The following ASIC2 variants were observed in gnomAD, a reference collection of about 807,000 sequenced individuals.
ASIC2 encodes acid-sensing ion channel 2.
In ASIC2, 25 loss-of-function variants were observed where a neutral mutation model predicts 57.3. The ratio of observed to expected loss-of-function variants is 0.44; its 90% CI spans 0.32 to 0.61. ASIC2 has a LOEUF of 0.61. Ranked by LOEUF, ASIC2 falls within the 20% of genes least tolerant of loss-of-function variation. The pLI, the probability that ASIC2 is intolerant of heterozygous loss-of-function variation, is 0.06. For missense variants in ASIC2, 641 were observed against 738.1 expected (o/e 0.87, Z 1.52); for synonymous variants, 319 against 307.5 (o/e 1.04, Z -0.39).
At chr17:33,178,696 C>T (rs1007934689) in intron 1 of ASIC2, among the ~76,000 whole-genome samples, 1 of 152,186 alleles carries the variant, frequency 6.6e-6, no homozygotes, top group African/African-American at 2.4e-5. Flanking sequence ...CTCTACACTG[C>T]GTCCCTCCAC....
intron 1 of ASIC2, among the ~76,000 whole-genome samples, chr17:33,249,437 G>GGA (rs919420770): frequency 1.2e-4 from 18 of 152,158 alleles, no homozygotes; most frequent in South Asian, 2.1e-4. Flanking sequence ...GATGAGCAAG[G>GGA]GAGCGAGGGT....
At chr17:33,538,104 G>A (rs1183942696) in intron 1 of ASIC2, among the ~76,000 whole-genome samples, 1 of 152,186 alleles carries the variant, frequency 6.6e-6, no homozygotes, top group South Asian at 2.1e-4. Context: ...TGCAGTAAGT[G>A]TTCAATAAAT....
At chr17:33,164,289 A>G (rs1201498675) in intron 1 of ASIC2, among the ~76,000 whole-genome samples, 5 of 152,150 alleles carry the variant, frequency 3.3e-5, no homozygotes, top group Non-Finnish European at 7.4e-5. Context: ...CTTTGGCAGA[A>G]TGACAGTTTC....
At chr17:34,086,410 G>T in intron 1 of ASIC2, among the ~76,000 whole-genome samples, 1 of 152,076 alleles carries the variant, frequency 6.6e-6, no homozygotes, top group East Asian at 1.9e-4. Flanking sequence ...GAGATAGTTT[G>T]TTATAATTTC....
intron 1 of ASIC2, among the ~76,000 whole-genome samples, chr17:33,587,954 C>T (rs980206086): frequency 1.1e-4 from 16 of 152,182 alleles, no homozygotes; most frequent in Non-Finnish European, 1.8e-4. Flanking sequence ...TCATAACAGT[C>T]TCACTTGATT....
chr17:33,579,078 G>C (rs1047207889), intron 1 of ASIC2, among the ~76,000 whole-genome samples: 1 of 151,504 alleles, frequency 6.6e-6, no homozygotes, highest in East Asian at 1.9e-4. Flanking sequence ...TTGAGGTCAG[G>C]GATTCAGACC....
At chr17:33,526,543 C>A (rs973398620) in intron 1 of ASIC2, among the ~76,000 whole-genome samples, 2 of 152,178 alleles carry the variant, frequency 1.3e-5, no homozygotes, top group African/African-American at 4.8e-5. Flanking sequence ...CCACTTGTTT[C>A]TCTTATACGT....
chr17:33,748,261 T>C (rs1236947258), intron 1 of ASIC2, among the ~76,000 whole-genome samples: 2 of 152,208 alleles, frequency 1.3e-5, no homozygotes, highest in East Asian at 3.9e-4. Context: ...TGAGCACTCT[T>C]GGGCTTCTCC....
chr17:33,815,787 C>T lies in ASIC2; in HGVS notation c.555+340191G>A, dbSNP rs576610978. Among the ~76,000 whole-genome samples the T allele has an allele frequency of 3.3e-5, 5 of 152,134 alleles. 1 individual carries two copies. Among genetic ancestry groups the T allele is most frequent in the Admixed American group, 2.6e-4 (4 of 15,282 alleles). ...AGAAATACTAGAGCTGGAAGTGTTC[C>T]TAGAATGCATCTACTCCAATCCTCT... On this transcript the variant is annotated intron_variant, in intron 1 of 9. Coordinates refer to the ASIC2 transcript ENST00000359872.
intron 1 of ASIC2, among the ~76,000 whole-genome samples, chr17:33,282,370 C>T (rs1427786675): frequency 6.6e-6 from 1 of 152,162 alleles, no homozygotes. Flanking sequence ...GGCCATCCAT[C>T]TTCCCTAACT....
Position 33,437,126 on chromosome 17 carries a change from A to G in ASIC2, c.556-325059T>C, listed in dbSNP as rs1030669121. Among the ~76,000 whole-genome samples, 3 of 151,694 alleles carry G rather than the reference A, an allele frequency of 2.0e-5. No individual in the cohort carries two copies. In the East Asian group the frequency reaches 5.9e-4, roughly 30 times the overall value. On this transcript the variant is annotated intron_variant, in intron 1 of 9. Transcript: ENST00000359872. ...GTGATCTGCCCGCCTCGGCCTCCCA[A>G]AGTGCTGGGATTACAGGCGTGAGCC...
chr17:33,283,118 CT>C (rs1308103866), intron 1 of ASIC2, among the ~76,000 whole-genome samples: 10 of 152,234 alleles, frequency 6.6e-5, no homozygotes, highest in Admixed American at 6.5e-4. Context: ...CCCCAGAGCA[CT>C]GATGCTTCTG....
chr17:33,605,466 A>G (rs1165447738), intron 1 of ASIC2, among the ~76,000 whole-genome samples: 1 of 152,246 alleles, frequency 6.6e-6, no homozygotes, highest in African/African-American at 2.4e-5. Context: ...CAAGGCATTC[A>G]GGAACCAAAT....
intron 1 of ASIC2, among the ~76,000 whole-genome samples, chr17:33,123,611 C>T (rs912830302): frequency 2.6e-5 from 4 of 152,262 alleles, no homozygotes; most frequent in African/African-American, 9.6e-5. Context: ...GTGCCCAGAT[C>T]CCTTCTGGAA....
intron 1 of ASIC2, among the ~76,000 whole-genome samples, chr17:33,187,191 C>T (rs1904436972): frequency 6.6e-6 from 1 of 152,196 alleles, no homozygotes; most frequent in South Asian, 2.1e-4. Flanking sequence ...CTTTGGTCAA[C>T]AGAAAGGGCT....
rs563966051 is a variant in ASIC2, at chr17:33,170,983, G to A, written c.709-58916C>T. On this transcript the variant is annotated intron_variant, in intron 1 of 9. Transcript: ENST00000225823. ...TCTTCCCCTCTACAGGCCTTCAGAT[G>A]TGTGATGTTGTGGGCCTCAACAAAG... Among the ~76,000 whole-genome samples, 5 of 152,280 alleles carry A rather than the reference G, an allele frequency of 3.3e-5. No homozygotes were observed. In the East Asian group the frequency reaches 7.7e-4, roughly 23 times the overall value.
At chr17:33,945,155 T>C (rs1904333190) in intron 1 of ASIC2, among the ~76,000 whole-genome samples, 1 of 152,198 alleles carries the variant, frequency 6.6e-6, no homozygotes, top group African/African-American at 2.4e-5. Context: ...TTTTCCAATG[T>C]GAAGTCTTGA....
At chr17:33,329,303 A>G (rs759004221) in intron 1 of ASIC2, among the ~76,000 whole-genome samples, 1 of 152,144 alleles carries the variant, frequency 6.6e-6, no homozygotes, top group Non-Finnish European at 1.5e-5. Flanking sequence ...TGCCTAGGAG[A>G]TAGTAGGTGC....
intron 1 of ASIC2, among the ~76,000 whole-genome samples, chr17:33,514,759 C>T (rs941996962): frequency 6.6e-6 from 1 of 152,192 alleles, no homozygotes; most frequent in Admixed American, 6.5e-5. Flanking sequence ...GGAAAGGCAG[C>T]CTTGTCTGTC....
Sources: allele counts gnomAD v4.1 joint callset (sites outside exome capture counted in the v4.1 genomes callset), GRCh38; gene constraint gnomAD v4.1.1; transcripts MANE v1.5; gene names NCBI Gene and HGNC (gene_info 2026-07-23, HGNC 2026-07-21).